The following H2AZ2 variants were observed in gnomAD, a reference collection of about 807,000 sequenced individuals.
The protein encoded by H2AZ2 is histone H2A.V.
H2AZ2 carries 5 observed loss-of-function variants against 15.5 expected under a neutral mutation model. That is an observed-to-expected ratio of 0.32 (90% CI 0.17 to 0.68). The LOEUF is 0.68. Ranked by LOEUF, H2AZ2 falls within the 30% of genes least tolerant of loss-of-function variation. The pLI is 0.72. For missense variants in H2AZ2, 42 were observed against 162.5 expected (o/e 0.26, Z 4.03); for synonymous variants, 44 against 57.4 (o/e 0.77, Z 1.05).
chr7:44,831,533 C>A (rs1019099137), downstream of H2AZ2, among the ~76,000 whole-genome samples: 2 of 151,752 alleles, frequency 1.3e-5, no homozygotes, highest in South Asian at 2.1e-4. Flanking sequence ...ATTGCACTCC[C>A]CCCCCCGCTT....
At chr7:44,843,137 CAAAAAAAAAAAAAAAAAAAAAAAAAA>C (rs55941046) in intron 2 of H2AZ2, 114 bp downstream of exon 2, 4 of 86,184 alleles carry the variant, frequency 4.6e-5, no homozygotes, top group Admixed American at 2.5e-4. Flanking sequence ...GACTCTGTCT[CAAAAAAAAAAAAAAAAAAAAAAAAAA>C]AAAAAAAAAA....
At chr7:44,828,084 T>G (rs1010975640), downstream of H2AZ2, 2 of 152,190 alleles carry the variant, frequency 1.3e-5, no homozygotes, top group South Asian at 4.1e-4. Context: ...ATTAGTATAT[T>G]TTTTGAAGCT....
chr7:44,837,838 G>T (rs1203965594), intron 3 of H2AZ2, among the ~76,000 whole-genome samples: 1 of 82,746 alleles, frequency 1.2e-5, no homozygotes, highest in East Asian at 2.2e-4. Flanking sequence ...AAAAGGGGGG[G>T]GGGGCTTAGA....
intron 3 of H2AZ2, among the ~76,000 whole-genome samples, chr7:44,839,302 T>A (rs767314709): frequency 3.9e-5 from 6 of 152,106 alleles, no homozygotes; most frequent in Non-Finnish European, 7.4e-5. Context: ...ATGTCTGTAA[T>A]CCCAGCAACT....
At chr7:44,838,198 C>G (rs926140196) in intron 3 of H2AZ2, among the ~76,000 whole-genome samples, 1 of 151,992 alleles carries the variant, frequency 6.6e-6, no homozygotes, top group Non-Finnish European at 1.5e-5. Context: ...TGGTCTCGAT[C>G]TCTTGACCTC....
At chr7:44,831,242 T>C (rs766992225), downstream of H2AZ2, among the ~76,000 whole-genome samples, 1 of 152,200 alleles carries the variant, frequency 6.6e-6, no homozygotes, top group South Asian at 2.1e-4. Context: ...TGAAGTGATA[T>C]GATAGCTGGA....
chr7:44,843,152 AAAAAAAAAAAAAAAAAAAAAAAAGTCTGT>A, intron 2 of H2AZ2, 96 bp downstream of exon 2: 8 of 253,474 alleles, frequency 3.2e-5, no homozygotes, highest in African/African-American at 1.6e-4. Context: ...AAAAAAAAAA[AAAAAAAAAAAAAAAAAAAAAAAAGTCTGT>A]AGTAATACAA....
chr7:44,830,426 C>T (rs1792984328), downstream of H2AZ2, among the ~76,000 whole-genome samples: 1 of 152,162 alleles, frequency 6.6e-6, no homozygotes, highest in African/African-American at 2.4e-5. Flanking sequence ...CATAAAGAGT[C>T]AGATACTCTC....
chr7:44,841,272 G>A (rs946952557), intron 2 of H2AZ2, among the ~76,000 whole-genome samples: 3 of 152,090 alleles, frequency 2.0e-5, no homozygotes, highest in Admixed American at 6.6e-5. Flanking sequence ...TCAACTGTAC[G>A]TTCAACATGA....
chr7:44,835,750 C>A, intron 3 of H2AZ2, 92 bp from the exon 4 acceptor site: 1 of 1,113,928 alleles, frequency 9.0e-7, no homozygotes, highest in Non-Finnish European at 1.3e-6. Flanking sequence ...AATGCACACA[C>A]AATACATAAA....
At chr7:44,831,868 A>G (rs994194521), downstream of H2AZ2, among the ~76,000 whole-genome samples, 1 of 152,158 alleles carries the variant, frequency 6.6e-6, no homozygotes, top group South Asian at 2.1e-4. Flanking sequence ...ACCCACTATC[A>G]ATCTTAATGT....
Position 44,832,746 on chromosome 7 carries a change from A to G in H2AZ2, c.*1755T>C, listed in dbSNP as rs978970100. The stretch of plus-strand genomic sequence containing the variant: ...GGAGGATGGCTTGAGCCAGGAGTTC[A>G]ATACCAACCTGGGCAACATAGGGAG... On this transcript the variant is annotated 3_prime_UTR_variant, in exon 5 of 5. Transcript: ENST00000308153. Among the ~76,000 whole-genome samples, 3 of 152,128 alleles carry G rather than the reference A, an allele frequency of 2.0e-5. No individual in the cohort carries two copies. The highest frequency in any genetic ancestry group is 2.0e-4 in the Admixed American group (3 of 15,266).
At chr7:44,839,781 T>C (rs1793227339) in intron 3 of H2AZ2, among the ~76,000 whole-genome samples, 1 of 151,662 alleles carries the variant, frequency 6.6e-6, no homozygotes. Context: ...GGCAAGTGGA[T>C]CACCTGAGGT....
intron 4 of H2AZ2, 154 bp downstream of exon 4, chr7:44,835,375 T>C (rs1793094367): frequency 5.7e-6 from 3 of 528,432 alleles, no homozygotes; most frequent in Non-Finnish European, 9.4e-6. Flanking sequence ...TTCAGATCAT[T>C]ATGAAAAGCT....
Position 44,848,022 on chromosome 7 carries a change from G to A in H2AZ2, c.-51C>T, listed in dbSNP as rs1015034771. ...CTCGGCCGCGCGCCCTCCCGCTGCC[G>A]ACCCGCGCCGCCGCCGCCGCTCTCG... On this transcript the variant is annotated 5_prime_UTR_variant, in exon 1 of 5. Transcript: ENST00000308153. 6 of 1,199,886 alleles carry A rather than the reference G, an allele frequency of 5.0e-6. No homozygotes were observed. Among genetic ancestry groups the A allele is most frequent in the Non-Finnish European group, 2.1e-6 (2 of 947,194 alleles). 74.3% of individuals were successfully genotyped at this position (1,199,886 alleles called of 1,614,324 possible). A position where few individuals can be genotyped will look rare whatever the true frequency, so the allele number is the denominator to read the frequency against.
In H2AZ2 at chr7:44,837,337, C is replaced by A. The variant is rs532254093; in HGVS notation, c.196-1679G>T. The stretch of plus-strand genomic sequence containing the variant: ...ACTTGGGAGGCTGAGGCAGGAGAAT[C>A]GGTTGAACCCAGGAGGTGGAGGTTG... On this transcript the variant is annotated intron_variant, in intron 3 of 4. Coordinates refer to ENST00000308153, the MANE Select transcript of H2AZ2 (RefSeq NM_012412.5). Among the ~76,000 whole-genome samples the A allele has an allele frequency of 2.5e-3, 340 of 134,856 alleles. 1 individual carries two copies. The highest frequency in any genetic ancestry group is 4.2e-3 in the Non-Finnish European group (271 of 64,828). The allele number at this position is 134,856 out of a possible 152,430, so 88.5% of individuals were successfully genotyped here. A position where few individuals can be genotyped will look rare whatever the true frequency, so the allele number is the denominator to read the frequency against.
intron 1 of H2AZ2, 137 bp downstream of exon 1, chr7:44,847,832 C>G (rs147948728): frequency 8.2e-7 from 1 of 1,215,564 alleles, no homozygotes; most frequent in Non-Finnish European, 1.1e-6. Flanking sequence ...CGCCCCCCGG[C>G]GGGCGGCGAG....
downstream of H2AZ2, among the ~76,000 whole-genome samples, chr7:44,831,537 C>G (rs546287479): frequency 6.0e-4 from 91 of 151,968 alleles, 1 homozygote; most frequent in African/African-American, 8.2e-4. Context: ...CACTCCCCCC[C>G]CCGCTTCTTT....
At chr7:44,843,253 G>A in intron 2 of H2AZ2, 24 bp downstream of exon 2, 1 of 1,370,786 alleles carries the variant, frequency 7.3e-7, no homozygotes. Flanking sequence ...AAATAATAAT[G>A]TAATGACAGC....
Sources: allele counts gnomAD v4.1 joint callset (sites outside exome capture counted in the v4.1 genomes callset), GRCh38; gene constraint gnomAD v4.1.1; transcripts MANE v1.5; gene names NCBI Gene and HGNC (gene_info 2026-07-23, HGNC 2026-07-21).